The following PLA1A variants were observed in gnomAD, a reference collection of about 807,000 sequenced individuals.
PLA1A encodes phosphatidylserine-specific phospholipase A1alpha.
PLA1A carries 47 observed loss-of-function variants against 49.4 expected under a neutral mutation model. The observed-to-expected ratio is 0.95, with a 90% CI of 0.75 to 1.21. PLA1A has a LOEUF of 1.21. Ranked by LOEUF, PLA1A falls within the 50% of genes most tolerant of loss-of-function variation. PLA1A has a pLI of 0.00. For missense variants in PLA1A, 561 were observed against 563.9 expected, an observed-to-expected ratio of 0.99 and a Z score of 0.05; for synonymous variants, 224 against 207.9, an observed-to-expected ratio of 1.08 and a Z score of -0.67.
chr3:119,608,964 T>C lies in PLA1A; in HGVS notation c.453+17T>C, dbSNP rs1379429355. ...AAACTCCTGGTAGGTGCAGAAGAGCTTAGGGTGAGTTTGGGCTGCGTATGA... is the reference window on the plus strand; with the variant it reads ...AAACTCCTGGTAGGTGCAGAAGAGCCTAGGGTGAGTTTGGGCTGCGTATGA... On this transcript the variant is annotated intron_variant, in intron 3 of 10. Transcript: ENST00000273371. The C allele has an allele frequency of 6.2e-7, 1 of 1,607,866 alleles. No individual in the cohort carries two copies. The highest frequency in any genetic ancestry group is 8.5e-7 in the Non-Finnish European group (1 of 1,174,664).
intron 8 of PLA1A, chr3:119,620,107 C>T (rs1170865131): frequency 2.2e-6 from 1 of 457,324 alleles, no homozygotes; most frequent in African/African-American, 2.0e-5. Flanking sequence ...TTGCTCCTAA[C>T]CATGGCATTT....
chr3:119,606,296 A>T (rs549744029), intron 1 of PLA1A, among the ~76,000 whole-genome samples: 1 of 152,312 alleles, frequency 6.6e-6, no homozygotes, highest in African/African-American at 2.4e-5. Context: ...CTGTCTCCCT[A>T]TGTCTTTACA....
At chr3:119,604,615 A>G (rs931233453) in intron 1 of PLA1A, among the ~76,000 whole-genome samples, 9 of 152,102 alleles carry the variant, frequency 5.9e-5, no homozygotes, top group Non-Finnish European at 1.3e-4. Context: ...GAGAAGGGGG[A>G]AGGAGTTGGG....
At chr3:119,621,931 G>T (rs529864410) in intron 8 of PLA1A, among the ~76,000 whole-genome samples, 1 of 152,100 alleles carries the variant, frequency 6.6e-6, no homozygotes, top group South Asian at 2.1e-4. Flanking sequence ...AGTGAAGAAA[G>T]AAGTAGGCCA....
At chr3:119,611,820 T>C (rs770875621) in intron 4 of PLA1A, among the ~76,000 whole-genome samples, 2 of 152,202 alleles carry the variant, frequency 1.3e-5, no homozygotes, top group Non-Finnish European at 2.9e-5. Context: ...ACTTCCGCTT[T>C]TCCTATTTAG....
At chr3:119,628,568 C>T in intron 9 of PLA1A, 133 bp from the exon 10 acceptor site, 1 of 678,472 alleles carries the variant, frequency 1.5e-6, no homozygotes, top group South Asian at 2.0e-5. Context: ...ACACAAAGGA[C>T]TGTGGTAAGG....
At chr3:119,600,313 T>C (rs1157241381) in intron 1 of PLA1A, 1 of 697,402 alleles carries the variant, frequency 1.4e-6, no homozygotes, top group African/African-American at 1.8e-5. Flanking sequence ...CTTTAGATTG[T>C]TGAGCTCCTT....
intron 6 of PLA1A, among the ~76,000 whole-genome samples, chr3:119,617,796 C>G (rs934765992): frequency 1.3e-5 from 2 of 151,782 alleles, no homozygotes; most frequent in Non-Finnish European, 2.9e-5. Flanking sequence ...TCAAATCAAG[C>G]AATTTTCTTG....
rs372028931 is a variant in PLA1A, at chr3:119,616,059, G to A, written c.712G>A (p.Gly238Arg). The A allele has an allele frequency of 1.9e-5, 30 of 1,613,690 alleles. No homozygotes were observed. The African/African-American group carries it at 2.5e-4, about 14-fold the overall frequency. The change falls in exon 6 of 11, where the codon GGA (glycine) becomes AGA (arginine). Residue 238 changes from glycine to arginine, a missense_variant. Transcript: ENST00000273371. ...PVGHVDYFVN[G>R]GQDQPGCPTF... ...TGGACATGTGGACTACTTCGTCAAC[G>A]GAGGCCAAGACCAACCTGGCTGCCC... is the stretch of plus-strand genomic sequence containing the variant.
chr3:119,624,609 C>T (rs1015181527), intron 8 of PLA1A, among the ~76,000 whole-genome samples: 2 of 152,084 alleles, frequency 1.3e-5, no homozygotes, highest in Non-Finnish European at 2.9e-5. Context: ...CATATTAACC[C>T]ACTTATTTCA....
At chr3:119,619,475 G>A (rs778994408) in intron 7 of PLA1A, 88 bp from the exon 8 acceptor site, 20 of 804,704 alleles carry the variant, frequency 2.5e-5, no homozygotes, top group Admixed American at 7.5e-5. Flanking sequence ...ATAAATGGGT[G>A]CATGAATTAA....
At chr3:119,625,051 G>A in intron 8 of PLA1A, 73 bp from the exon 9 acceptor site, 1 of 874,172 alleles carries the variant, frequency 1.1e-6, no homozygotes, top group Non-Finnish European at 1.9e-6. Flanking sequence ...CAACCACACT[G>A]CTGCTCTCTG....
intron 4 of PLA1A, among the ~76,000 whole-genome samples, 199 bp from the exon 5 acceptor site, chr3:119,612,818 G>A (rs1378251786): frequency 1.3e-5 from 2 of 152,134 alleles, no homozygotes; most frequent in African/African-American, 4.8e-5. Flanking sequence ...GAGAAACTGG[G>A]TCATTGAGAG....
At chr3:119,608,701 G>A (rs903461149) in intron 2 of PLA1A, 69 bp from the exon 3 acceptor site, 2 of 1,181,744 alleles carry the variant, frequency 1.7e-6, no homozygotes, top group Non-Finnish European at 2.5e-6. Flanking sequence ...GAGATTAATA[G>A]AGGTTTCCAT....
At chr3:119,626,228 C>A (rs1169723610) in intron 9 of PLA1A, among the ~76,000 whole-genome samples, 1 of 152,202 alleles carries the variant, frequency 6.6e-6, no homozygotes, top group African/African-American at 2.4e-5. Context: ...CCCTCTGGAA[C>A]CCCTGCCCAA....
intron 4 of PLA1A, among the ~76,000 whole-genome samples, chr3:119,611,558 T>C (rs923340130): frequency 1.3e-5 from 2 of 152,234 alleles, no homozygotes; most frequent in Non-Finnish European, 2.9e-5. Context: ...GTTATCCTTG[T>C]ACAGATCTTT....
intron 8 of PLA1A, among the ~76,000 whole-genome samples, chr3:119,622,674 C>T (rs746526568): frequency 4.6e-5 from 7 of 152,124 alleles, no homozygotes; most frequent in African/African-American, 7.2e-5. Flanking sequence ...AGAGTAGAGG[C>T]GAAGGATTGC....
At chr3:119,619,134 C>A (rs1040954953) in intron 7 of PLA1A, among the ~76,000 whole-genome samples, 2 of 152,202 alleles carry the variant, frequency 1.3e-5, no homozygotes, top group African/African-American at 4.8e-5. Context: ...CACCTGTGTG[C>A]CTTGGTCCTA....
In PLA1A at chr3:119,606,097, T is replaced by A. The variant is rs144045698; in HGVS notation, c.74-677T>A. On this transcript the variant is annotated intron_variant, in intron 1 of 10. Coordinates refer to ENST00000273371, the MANE Select transcript of PLA1A (RefSeq NM_015900.4). ...TGGCTGCCCAGGGTTCTATTTAGAA[T>A]TCTCTACTAGTTTGCTAGGGATACC... Among the ~76,000 whole-genome samples, 539 of 152,336 alleles carry A rather than the reference T, an allele frequency of 3.5e-3. 2 individuals carry two copies. Among genetic ancestry groups the A allele is most frequent in the Middle Eastern group, 0.017 (5 of 294 alleles).
Sources: allele counts gnomAD v4.1 joint callset (sites outside exome capture counted in the v4.1 genomes callset), GRCh38; gene constraint gnomAD v4.1.1; transcripts MANE v1.5; gene names NCBI Gene and HGNC (gene_info 2026-07-23, HGNC 2026-07-21).